RYR3: variants seen among roughly 807,000 people sequenced by gnomAD.
The protein encoded by RYR3 is brain ryanodine receptor-calcium release channel.
Under a neutral mutation model 584.3 loss-of-function variants are expected in RYR3, and 207 were observed. The ratio of observed to expected loss-of-function variants is 0.35; its 90% CI spans 0.32 to 0.40. The LOEUF is 0.40. Among genes scored for constraint, RYR3 ranks in the 10% least tolerant of loss-of-function variants. The pLI, the probability that RYR3 is intolerant of heterozygous loss-of-function variation, is 1.00. For missense variants in RYR3, 5,616 were observed against 6,089.2 expected, an observed-to-expected ratio of 0.92 and a Z score of 2.59; for synonymous variants, 2,416 against 2,248.5, an observed-to-expected ratio of 1.07 and a Z score of -2.11.
chr15:33,849,598 T>G (rs1165519628), intron 94 of RYR3: 1 of 151,752 alleles, frequency 6.6e-6, no homozygotes, highest in African/African-American at 2.4e-5. Flanking sequence ...CACAAGTAAG[T>G]GACAGTTTCA....
intron 1 of RYR3, among the ~76,000 whole-genome samples, chr15:33,463,669 C>G (rs1025897332): frequency 6.6e-6 from 1 of 152,154 alleles, no homozygotes. Flanking sequence ...CGCTACATCT[C>G]CCTAATCAAC....
At chr15:33,377,119 T>A (rs887571760) in intron 1 of RYR3, among the ~76,000 whole-genome samples, 2 of 152,196 alleles carry the variant, frequency 1.3e-5, no homozygotes, top group Admixed American at 1.3e-4. Flanking sequence ...ACGTAGACAA[T>A]AGGCCCTAAC....
At chr15:33,727,518 A>G (rs965538759) in intron 46 of RYR3, among the ~76,000 whole-genome samples, 1 of 152,214 alleles carries the variant, frequency 6.6e-6, no homozygotes, top group Non-Finnish European at 1.5e-5. Flanking sequence ...GATAAAGCAA[A>G]TAGATGTTGA....
chr15:33,826,780 GA>G (rs1346838037), intron 84 of RYR3, 28 bp downstream of exon 84: 1 of 1,452,638 alleles, frequency 6.9e-7, no homozygotes, highest in Admixed American at 2.3e-5. Flanking sequence ...ATCTGCCAAG[GA>G]AACACAGCAC....
chr15:33,475,082 C>T (rs1330029851), intron 2 of RYR3, among the ~76,000 whole-genome samples: 5 of 151,704 alleles, frequency 3.3e-5, no homozygotes, highest in Admixed American at 6.6e-5. Context: ...TTTTCATTCC[C>T]GGCAGTCTGG....
chr15:33,754,409 C>G (rs1341122008), intron 57 of RYR3, among the ~76,000 whole-genome samples: 3 of 152,240 alleles, frequency 2.0e-5, no homozygotes, highest in Non-Finnish European at 4.4e-5. Context: ...TCCTACCCCA[C>G]ACTGCTTTAA....
At chr15:33,719,221 G>A (rs1366559743) in intron 43 of RYR3, among the ~76,000 whole-genome samples, 1 of 152,226 alleles carries the variant, frequency 6.6e-6, no homozygotes, top group African/African-American at 2.4e-5. Flanking sequence ...ATCAAGGGCC[G>A]GCTTCCTGGG....
intron 3 of RYR3, among the ~76,000 whole-genome samples, chr15:33,517,418 C>T (rs564926283): frequency 6.6e-6 from 1 of 152,224 alleles, no homozygotes; most frequent in Non-Finnish European, 1.5e-5. Context: ...ATTGGAAACT[C>T]GCTGTAATGT....
chr15:33,746,235 G>A (rs2070701169), intron 53 of RYR3, 78 bp downstream of exon 53: 3 of 971,760 alleles, frequency 3.1e-6, no homozygotes, highest in Non-Finnish European at 4.9e-6. Context: ...GGAGTTCAGA[G>A]CACATTCACT....
At chr15:33,540,741 G>C (rs1000330057) in intron 6 of RYR3, 50 bp from the exon 7 acceptor site, 1 of 1,143,768 alleles carries the variant, frequency 8.7e-7, no homozygotes, top group Admixed American at 1.7e-5. Context: ...TGTTTCTGTC[G>C]GCACTGGACT....
chr15:33,744,802 A>G (rs1409911191), intron 52 of RYR3, among the ~76,000 whole-genome samples: 1 of 152,176 alleles, frequency 6.6e-6, no homozygotes, highest in Non-Finnish European at 1.5e-5. Flanking sequence ...GGTGAGAGAT[A>G]AGTCTGGAGA....
At chr15:33,544,902 T>C (rs1250474453) in intron 8 of RYR3, among the ~76,000 whole-genome samples, 2 of 152,168 alleles carry the variant, frequency 1.3e-5, no homozygotes, top group African/African-American at 4.8e-5. Context: ...GTCGACCTTA[T>C]TTTCCTTAGA....
intron 1 of RYR3, among the ~76,000 whole-genome samples, chr15:33,364,244 T>A (rs940658671): frequency 6.6e-6 from 1 of 152,212 alleles, no homozygotes; most frequent in Non-Finnish European, 1.5e-5. Flanking sequence ...CTCATTGTAT[T>A]TCTGTTGGAC....
chr15:33,522,039 A>G (rs2054025952), intron 3 of RYR3, among the ~76,000 whole-genome samples: 1 of 147,712 alleles, frequency 6.8e-6, no homozygotes, highest in Non-Finnish European at 1.5e-5. Flanking sequence ...AGATCACCTG[A>G]GGTCATGAGT....
rs562338278 is a variant in RYR3 at position 33,699,855 on chromosome 15, T to A, written c.6379+22T>A. ...CTAGGTGCGTAAGTCTTCTTGTAAC[T>A]TCCACATCCAAACTCGAAGGTTACA... On this transcript the variant is annotated intron_variant, in intron 41 of 103. Coordinates refer to ENST00000634891, the MANE Select transcript of RYR3 (RefSeq NM_001036.6). 17 of 1,602,192 alleles carry A rather than the reference T, an allele frequency of 1.1e-5. No individual in the cohort carries two copies. The South Asian group carries it at 1.9e-4, about 18-fold the overall frequency.
At position 33,334,164 on chromosome 15, in the gene RYR3, G is replaced by A. The variant is rs534536817; in HGVS notation, c.51+23068G>A. On this transcript the variant is annotated intron_variant, in intron 1 of 103. Transcript: ENST00000634891. ...TTAAACTACCATTGACATTCTTCACGGAACTAGACAAAACTATTTTAAAAT... is the reference window on the plus strand; with the variant it reads ...TTAAACTACCATTGACATTCTTCACAGAACTAGACAAAACTATTTTAAAAT... Among the ~76,000 whole-genome samples, 6 of 152,142 alleles carry A rather than the reference G, an allele frequency of 3.9e-5. No homozygotes were observed. The East Asian group carries it at 9.7e-4, about 24-fold the overall frequency.
At chr15:33,482,317 TATC>T (rs2050049270) in intron 2 of RYR3, among the ~76,000 whole-genome samples, 1 of 152,238 alleles carries the variant, frequency 6.6e-6, no homozygotes, top group African/African-American at 2.4e-5. Context: ...CTCTCATTTT[TATC>T]ATCATTCTTC....
chr15:33,531,679 C>A (rs2054886451), intron 4 of RYR3, among the ~76,000 whole-genome samples: 1 of 151,478 alleles, frequency 6.6e-6, no homozygotes. Context: ...AAGAGGCTGA[C>A]CTTTTCAGCC....
At chr15:33,657,456 G>T (rs1476534484) in intron 32 of RYR3, among the ~76,000 whole-genome samples, 1 of 152,232 alleles carries the variant, frequency 6.6e-6, no homozygotes, top group Non-Finnish European at 1.5e-5. Flanking sequence ...CCTTCAGTTT[G>T]CAGTGACTTG....
Sources: allele counts gnomAD v4.1 joint callset (sites outside exome capture counted in the v4.1 genomes callset), GRCh38; gene constraint gnomAD v4.1.1; transcripts MANE v1.5; gene names NCBI Gene and HGNC (gene_info 2026-07-23, HGNC 2026-07-21).